Variants in TMEM132B observed in about 807,000 individuals in gnomAD.
The protein encoded by TMEM132B is transmembrane protein 132B.
TMEM132B carries 18 observed loss-of-function variants against 90.8 expected under a neutral mutation model. The ratio of observed to expected loss-of-function variants is 0.20; its 90% CI spans 0.14 to 0.29. The LOEUF (loss-of-function observed/expected upper bound fraction) is 0.29. TMEM132B is among the 10% of genes least tolerant of loss of function. The probability of loss-of-function intolerance (pLI) is 1.00; values close to 1 mark genes in which losing one functional copy is unlikely to be tolerated. For synonymous variants in TMEM132B, 504 were observed against 523.3 expected (o/e 0.96, Z 0.50); for missense variants, 1,096 against 1,326.8 (o/e 0.83, Z 2.70).
At chr12:125,642,277 T>C (rs573364668) in intron 5 of TMEM132B, among the ~76,000 whole-genome samples, 1 of 152,354 alleles carries the variant, frequency 6.6e-6, no homozygotes, top group East Asian at 1.9e-4. Context: ...ATGGAGATCT[T>C]GTTCTGATTA....
At chr12:125,364,405 T>C (rs1878061083) in intron 2 of TMEM132B, among the ~76,000 whole-genome samples, 1 of 152,208 alleles carries the variant, frequency 6.6e-6, no homozygotes, top group Non-Finnish European at 1.5e-5. Context: ...TTACTGTTCT[T>C]ACTTTACTAC....
At chr12:125,442,490 C>A (rs1880903874) in intron 3 of TMEM132B, among the ~76,000 whole-genome samples, 1 of 152,124 alleles carries the variant, frequency 6.6e-6, no homozygotes, top group Non-Finnish European at 1.5e-5. Flanking sequence ...TGACTCAGAC[C>A]CTGTGACTCA....
At chr12:125,454,643 G>A (rs972352097) in intron 3 of TMEM132B, among the ~76,000 whole-genome samples, 1 of 152,168 alleles carries the variant, frequency 6.6e-6, no homozygotes, top group Non-Finnish European at 1.5e-5. Flanking sequence ...TTATCTCTTA[G>A]GAAAGGATTT....
At chr12:125,193,086 G>A (rs1449846645) in intron 1 of TMEM132B, among the ~76,000 whole-genome samples, 1 of 152,186 alleles carries the variant, frequency 6.6e-6, no homozygotes, top group African/African-American at 2.4e-5. Flanking sequence ...AAGGAGGCAA[G>A]AAAGGAAGGG....
intron 1 of TMEM132B, among the ~76,000 whole-genome samples, chr12:125,275,105 A>T (rs1198573009): frequency 6.6e-6 from 1 of 152,158 alleles, no homozygotes; most frequent in African/African-American, 2.4e-5. Context: ...CAACTTCCTC[A>T]TTCAAAGCGC....
rs1593058191 is a variant in TMEM132B at position 125,256,681 on chromosome 12, G to T, written c.67+69815G>T. On this transcript the variant is annotated intron_variant, in intron 1 of 8. Coordinates refer to ENST00000682704, the MANE Select transcript of TMEM132B (RefSeq NM_001366854.1). ...TGCTTTTTAAGTTTGTATTAGGTTGGTGCAAAAAGTAATAGCAGCTTTTGC... is the reference window on the plus strand; with the variant it reads ...TGCTTTTTAAGTTTGTATTAGGTTGTTGCAAAAAGTAATAGCAGCTTTTGC... 2.6e-5 allele frequency among the ~76,000 whole-genome samples: 4 copies of T among 152,292 alleles called. No individual in the cohort carries two copies. The South Asian group carries it at 8.3e-4, about 32-fold the overall frequency.
intron 1 of TMEM132B, among the ~76,000 whole-genome samples, chr12:125,208,718 G>C (rs544201102): frequency 6.6e-6 from 1 of 152,202 alleles, no homozygotes; most frequent in Non-Finnish European, 1.5e-5. Flanking sequence ...AAGGCCTTTG[G>C]TGGGGGTCTG....
At chr12:125,551,662 A>T (rs910840940) in intron 4 of TMEM132B, among the ~76,000 whole-genome samples, 1 of 144,314 alleles carries the variant, frequency 6.9e-6, no homozygotes, top group Non-Finnish European at 1.5e-5. Flanking sequence ...TTATCGTTGT[A>T]TTGGTTTGCT....
At chr12:125,299,834 G>A (rs1875774589) in intron 1 of TMEM132B, among the ~76,000 whole-genome samples, 2 of 152,162 alleles carry the variant, frequency 1.3e-5, no homozygotes, top group South Asian at 4.1e-4. Flanking sequence ...CTCCTGGACC[G>A]GCCTGCGTCC....
chr12:125,504,367 CTT>C (rs367802110), intron 3 of TMEM132B, among the ~76,000 whole-genome samples: 89 of 152,174 alleles, frequency 5.8e-4, no homozygotes, highest in Middle Eastern at 3.4e-3. Flanking sequence ...GTCTGTCTCT[CTT>C]CCTCTCTTTC....
chr12:125,211,902 C>T (rs976356453), intron 1 of TMEM132B, among the ~76,000 whole-genome samples: 2 of 152,208 alleles, frequency 1.3e-5, no homozygotes, highest in Non-Finnish European at 2.9e-5. Flanking sequence ...TGTAAACACC[C>T]TTGTGAATTG....
intron 1 of TMEM132B, among the ~76,000 whole-genome samples, chr12:125,254,713 C>T (rs1382350555): frequency 1.5e-5 from 2 of 132,232 alleles, no homozygotes; most frequent in Non-Finnish European, 1.6e-5. Flanking sequence ...GATGGAGTTT[C>T]ACTCTTGTCA....
intron 3 of TMEM132B, among the ~76,000 whole-genome samples, chr12:125,423,671 A>G (rs1298010137): frequency 6.6e-6 from 1 of 152,246 alleles, no homozygotes; most frequent in Admixed American, 6.5e-5. Flanking sequence ...GAAAATTTAG[A>G]AAATACAATT....
At chr12:125,614,258 C>G (rs374475458) in intron 5 of TMEM132B, among the ~76,000 whole-genome samples, 4 of 152,082 alleles carry the variant, frequency 2.6e-5, no homozygotes, top group South Asian at 4.1e-4. Flanking sequence ...AGTTTTTTAA[C>G]CCATCCTCTC....
intron 1 of TMEM132B, among the ~76,000 whole-genome samples, chr12:125,290,474 A>G (rs1473256047): frequency 6.6e-6 from 1 of 152,064 alleles, no homozygotes; most frequent in African/African-American, 2.4e-5. Context: ...GAATTTAGCA[A>G]TTTTTCTTAA....
chr12:125,303,649 AT>A (rs1481473002), intron 1 of TMEM132B, among the ~76,000 whole-genome samples: 3 of 152,118 alleles, frequency 2.0e-5, no homozygotes, highest in Admixed American at 2.0e-4. Flanking sequence ...CCCAGACATT[AT>A]TTTCCCTTTA....
At chr12:125,205,813 C>T (rs1873170281) in intron 1 of TMEM132B, among the ~76,000 whole-genome samples, 1 of 152,238 alleles carries the variant, frequency 6.6e-6, no homozygotes, top group Admixed American at 6.5e-5. Flanking sequence ...TAGCAGCCAG[C>T]CCATAATCCA....
At chr12:125,300,090 C>A (rs1283107087) in intron 1 of TMEM132B, among the ~76,000 whole-genome samples, 1 of 152,246 alleles carries the variant, frequency 6.6e-6, no homozygotes, top group Non-Finnish European at 1.5e-5. Context: ...AACACCTTCC[C>A]CCAGATACCT....
At chr12:125,494,022 C>T (rs1313631041) in intron 3 of TMEM132B, among the ~76,000 whole-genome samples, 2 of 142,170 alleles carry the variant, frequency 1.4e-5, no homozygotes, top group African/African-American at 2.6e-5. Flanking sequence ...TCTCCCTCCT[C>T]CCTGAAAATG....
Sources: gnomAD v4.1 joint callset for allele counts (sites outside exome capture counted in the v4.1 genomes callset) on GRCh38, gnomAD v4.1.1 for gene constraint, MANE v1.5 for transcripts, NCBI Gene and HGNC (gene_info 2026-07-23, HGNC 2026-07-21) for gene names.